KLF12: variants seen among roughly 807,000 people sequenced by gnomAD.
KLF12 encodes the protein KLF transcription factor 12, also known as Krueppel-like factor 12.
KLF12 carries 9 observed loss-of-function variants against 37.8 expected under a neutral mutation model. The observed-to-expected ratio is 0.24, with a 90% CI of 0.14 to 0.42. The LOEUF (loss-of-function observed/expected upper bound fraction) is 0.42. Among genes scored for constraint, KLF12 ranks in the 10% least tolerant of loss-of-function variants. The probability of loss-of-function intolerance (pLI) is 1.00; values close to 1 mark genes in which losing one functional copy is unlikely to be tolerated. For missense variants in KLF12, 411 were observed against 516.0 expected, an observed-to-expected ratio of 0.80 and a Z score of 1.97; for synonymous variants, 208 against 202.1, an observed-to-expected ratio of 1.03 and a Z score of -0.25.
chr13:73,899,123 C>G (rs1887923466), intron 3 of KLF12, among the ~76,000 whole-genome samples: 1 of 152,222 alleles, frequency 6.6e-6, no homozygotes, highest in South Asian at 2.1e-4. Context: ...GGCCACCCCC[C>G]AGGAAGGGGG....
At chr13:73,866,169 C>T (rs1282706444) in intron 3 of KLF12, among the ~76,000 whole-genome samples, 1 of 152,142 alleles carries the variant, frequency 6.6e-6, no homozygotes, top group Non-Finnish European at 1.5e-5. Context: ...GTGTGAGAAT[C>T]TCTTGAACCT....
chr13:74,179,962 C>G, the KLF12 span, among the ~76,000 whole-genome samples: 1 of 152,190 alleles, frequency 6.6e-6, no homozygotes, highest in Non-Finnish European at 1.5e-5. Context: ...TACAGGAGAG[C>G]TACTCTATCT....
chr13:74,269,926 T>C, the KLF12 span, among the ~76,000 whole-genome samples: 1 of 152,230 alleles, frequency 6.6e-6, no homozygotes, highest in Non-Finnish European at 1.5e-5. Context: ...GTATTCAGTG[T>C]ACACAGTGCT....
chr13:74,163,499 T>C, the KLF12 span, among the ~76,000 whole-genome samples: 1 of 152,152 alleles, frequency 6.6e-6, no homozygotes, highest in African/African-American at 2.4e-5. Flanking sequence ...AAACATCTCA[T>C]GTTTTCACTT....
chr13:73,893,027 A>G (rs1210842763), intron 3 of KLF12, among the ~76,000 whole-genome samples: 1 of 139,820 alleles, frequency 7.2e-6, no homozygotes, highest in East Asian at 2.0e-4. Flanking sequence ...TTTGAAAGAG[A>G]AAAAAAAAAA....
intron 1 of KLF12, among the ~76,000 whole-genome samples, chr13:74,055,580 CCA>C (rs1873200676): frequency 6.6e-6 from 1 of 152,150 alleles, no homozygotes; most frequent in African/African-American, 2.4e-5. Context: ...AGTCAACCTT[CCA>C]CAGTGTTTTT....
chr13:73,968,531 T>C (rs1327535267), intron 2 of KLF12, among the ~76,000 whole-genome samples: 1 of 152,228 alleles, frequency 6.6e-6, no homozygotes, highest in Admixed American at 6.5e-5. Flanking sequence ...AGAATCTGTG[T>C]ATCTTTCGTC....
the KLF12 span, among the ~76,000 whole-genome samples, chr13:74,194,005 A>G: frequency 6.6e-6 from 1 of 152,086 alleles, no homozygotes; most frequent in African/African-American, 2.4e-5. Flanking sequence ...ATGGGTTTGG[A>G]TATATATTTG....
chr13:73,836,544 C>T (rs1290671407), intron 4 of KLF12, among the ~76,000 whole-genome samples: 2 of 152,132 alleles, frequency 1.3e-5, no homozygotes, highest in East Asian at 3.8e-4. Flanking sequence ...GTATTTCTTA[C>T]AGTGAGTATA....
intron 1 of KLF12, among the ~76,000 whole-genome samples, chr13:74,020,591 T>C (rs144889948): frequency 2.6e-5 from 4 of 152,178 alleles, no homozygotes; most frequent in African/African-American, 9.6e-5. Flanking sequence ...GACTTTTCCA[T>C]AAAAATATGG....
chr13:74,182,588 A>G, the KLF12 span, among the ~76,000 whole-genome samples: 1 of 152,210 alleles, frequency 6.6e-6, no homozygotes, highest in Non-Finnish European at 1.5e-5. Flanking sequence ...CCAGCTGCAG[A>G]GGGAACCCAG....
At chr13:74,283,152 G>C in the KLF12 span, among the ~76,000 whole-genome samples, 1 of 152,204 alleles carries the variant, frequency 6.6e-6, no homozygotes, top group African/African-American at 2.4e-5. Context: ...AATGTAGACT[G>C]CAAACTTCAC....
intron 6 of KLF12, among the ~76,000 whole-genome samples, chr13:73,740,998 A>G (rs1877931484): frequency 6.6e-6 from 1 of 152,206 alleles, no homozygotes; most frequent in Non-Finnish European, 1.5e-5. Context: ...AGAAGACACA[A>G]AATGAGACAC....
the KLF12 span, among the ~76,000 whole-genome samples, chr13:74,290,589 C>CTTA: frequency 6.6e-6 from 1 of 152,206 alleles, no homozygotes; most frequent in Admixed American, 6.5e-5. Context: ...TGATGTCATA[C>CTTA]TTATACCTGC....
the KLF12 span, among the ~76,000 whole-genome samples, chr13:74,139,520 C>G: frequency 6.6e-6 from 1 of 152,130 alleles, no homozygotes; most frequent in African/African-American, 2.4e-5. Context: ...ACCTTTTGAA[C>G]ATTAATTCTG....
intron 3 of KLF12, among the ~76,000 whole-genome samples, chr13:73,901,027 T>C (rs1409114237): frequency 6.6e-6 from 1 of 152,198 alleles, no homozygotes; most frequent in East Asian, 1.9e-4. Flanking sequence ...TCTTTTTCTT[T>C]AAGAGAAATA....
At chr13:74,005,711 C>G (rs557934515) in intron 1 of KLF12, among the ~76,000 whole-genome samples, 8 of 152,220 alleles carry the variant, frequency 5.3e-5, no homozygotes, top group Non-Finnish European at 8.8e-5. Context: ...TAAATGAATA[C>G]AAGAGCCACA....
chr13:74,162,613 T>A, the KLF12 span, among the ~76,000 whole-genome samples: 1 of 152,228 alleles, frequency 6.6e-6, no homozygotes, highest in Non-Finnish European at 1.5e-5. Context: ...TTTCTCTCCT[T>A]CGTTGCTCTC....
intron 2 of KLF12, among the ~76,000 whole-genome samples, chr13:73,960,795 T>G (rs1890998972): frequency 6.6e-6 from 1 of 152,194 alleles, no homozygotes. Context: ...AGATCTATGT[T>G]ATACTGTTAA....
Sources: allele counts gnomAD v4.1 joint callset (sites outside exome capture counted in the v4.1 genomes callset), GRCh38; gene constraint gnomAD v4.1.1; transcripts MANE v1.5; gene names NCBI Gene and HGNC (gene_info 2026-07-23, HGNC 2026-07-21).